The following MGAT4C variants were observed in gnomAD, a reference collection of about 807,000 sequenced individuals.
MGAT4C encodes the protein MGAT4 family member C.
MGAT4C carries 19 observed loss-of-function variants against 40.1 expected under a neutral mutation model. The ratio of observed to expected loss-of-function variants is 0.47; its 90% CI spans 0.33 to 0.70. MGAT4C has a LOEUF of 0.70. MGAT4C is among the 30% of genes least tolerant of loss of function. MGAT4C has a pLI of 0.02. For missense variants in MGAT4C, 491 were observed against 563.2 expected, an observed-to-expected ratio of 0.87 and a Z score of 1.30; for synonymous variants, 181 against 187.1, an observed-to-expected ratio of 0.97 and a Z score of 0.27.
intron 3 of MGAT4C, among the ~76,000 whole-genome samples, chr12:86,348,510 C>T (rs955041570): frequency 6.6e-6 from 1 of 152,008 alleles, no homozygotes; most frequent in African/African-American, 2.4e-5. Context: ...GTAATTTCCT[C>T]ACAAAAGGAT....
intron 2 of MGAT4C, among the ~76,000 whole-genome samples, chr12:86,018,829 C>T (rs1316883814): frequency 6.6e-6 from 1 of 151,966 alleles, no homozygotes; most frequent in African/African-American, 2.4e-5. Context: ...TCACTTTAAG[C>T]TTCAACATAA....
chr12:86,826,951 C>T (rs1287817928), intron 1 of MGAT4C, among the ~76,000 whole-genome samples: 1 of 151,410 alleles, frequency 6.6e-6, no homozygotes, highest in East Asian at 1.9e-4. Flanking sequence ...GCTTTCTAGA[C>T]ATCTCTGCTA....
At chr12:86,092,255 A>G (rs1873018050) in intron 1 of MGAT4C, among the ~76,000 whole-genome samples, 1 of 152,174 alleles carries the variant, frequency 6.6e-6, no homozygotes. Context: ...ATGGCCTTAT[A>G]GCATACTTCA....
intron 3 of MGAT4C, among the ~76,000 whole-genome samples, chr12:86,393,140 T>TATAA (rs2136229948): frequency 6.6e-6 from 1 of 152,336 alleles, no homozygotes; most frequent in Non-Finnish European, 1.5e-5. Flanking sequence ...TTGGATTTCT[T>TATAA]ATAATTACAA....
At chr12:86,212,695 C>T (rs1255745936) in intron 1 of MGAT4C, among the ~76,000 whole-genome samples, 14 of 143,328 alleles carry the variant, frequency 9.8e-5, no homozygotes, top group South Asian at 2.3e-4. Context: ...GAGACCATCC[C>T]GGCTAAAACG....
At chr12:86,713,400 A>G (rs1950593191) in intron 2 of MGAT4C, among the ~76,000 whole-genome samples, 1 of 152,116 alleles carries the variant, frequency 6.6e-6, no homozygotes, top group African/African-American at 2.4e-5. Context: ...AGGATGTATC[A>G]TCTTATTCTG....
chr12:86,354,634 T>G (rs1315096982), intron 3 of MGAT4C, among the ~76,000 whole-genome samples: 1 of 152,046 alleles, frequency 6.6e-6, no homozygotes, highest in Non-Finnish European at 1.5e-5. Flanking sequence ...AGGAAAGAAT[T>G]AGTGAACCTG....
At chr12:86,733,322 A>G (rs1593159777) in intron 1 of MGAT4C, among the ~76,000 whole-genome samples, 1 of 152,126 alleles carries the variant, frequency 6.6e-6, no homozygotes, top group Non-Finnish European at 1.5e-5. Context: ...ATTCCCTAAT[A>G]ACCCAATGAA....
At chr12:86,625,184 G>T (rs1230198872) in intron 2 of MGAT4C, among the ~76,000 whole-genome samples, 3 of 151,952 alleles carry the variant, frequency 2.0e-5, no homozygotes, top group Non-Finnish European at 4.4e-5. Flanking sequence ...TCTCTCTCCT[G>T]CCACCTTGTG....
intron 2 of MGAT4C, among the ~76,000 whole-genome samples, chr12:86,534,252 C>A (rs566384401): frequency 3.3e-5 from 5 of 152,106 alleles, no homozygotes; most frequent in African/African-American, 1.2e-4. Flanking sequence ...TTCTTTTAAC[C>A]CCACACTTCT....
chr12:86,472,846 G>T (rs1187701638), intron 2 of MGAT4C, among the ~76,000 whole-genome samples: 4 of 152,220 alleles, frequency 2.6e-5, no homozygotes, highest in Admixed American at 2.6e-4. Flanking sequence ...GAAAGAAAAT[G>T]AAATAATTGG....
chr12:86,222,456 A>G lies in MGAT4C; in HGVS notation c.-57+33783T>C, dbSNP rs144281504. ...TTTCCTGACATTGAACGAAATAAGA[A>G]AAAAGTCTCTTATTGGCATATTGTT... is the stretch of plus-strand genomic sequence containing the variant. On this transcript the variant is annotated intron_variant, in intron 1 of 4. Transcript: ENST00000611864. Among the ~76,000 whole-genome samples the G allele has an allele frequency of 2.7e-4, 41 of 152,326 alleles. 1 individual carries two copies. The highest frequency in any genetic ancestry group is 9.9e-4 in the African/African-American group (41 of 41,578).
chr12:86,671,983 CAT>C (rs1964265340), intron 2 of MGAT4C, among the ~76,000 whole-genome samples: 1 of 151,990 alleles, frequency 6.6e-6, no homozygotes, highest in Admixed American at 6.6e-5. Context: ...GCAGAATACA[CAT>C]TTTTCTAGTG....
intron 1 of MGAT4C, among the ~76,000 whole-genome samples, chr12:86,213,615 A>AT (rs943533030): frequency 6.7e-6 from 1 of 150,076 alleles, no homozygotes; most frequent in Non-Finnish European, 1.5e-5. Context: ...AACACCAATT[A>AT]TTTAAAAAAA....
chr12:86,454,078 A>AT lies in MGAT4C; in HGVS notation c.-228-18814_-228-18813insA, dbSNP rs200278886. 6.7e-3 allele frequency among the ~76,000 whole-genome samples: 1,018 copies of AT among 152,276 alleles called. 11 individuals carry two copies. Among genetic ancestry groups the AT allele is most frequent in the African/African-American group, 0.023 (971 of 41,564 alleles). On this transcript the variant is annotated intron_variant, in intron 2 of 7. Transcript: ENST00000548651. ...CCAATAAAAGGCTCAGAAAACTATA[A>AT]AGGAAAAAAATAAAAAGTTGTTATT...
At position 86,446,539 on chromosome 12, in the gene MGAT4C, T is replaced by G. The variant is rs2136283247; in HGVS notation, c.-228-11274A>C. 2.6e-5 allele frequency among the ~76,000 whole-genome samples: 4 copies of G among 151,142 alleles called. No individual in the cohort carries two copies. In the East Asian group the frequency reaches 7.8e-4, roughly 29 times the overall value. ...AAAAGTAGTATTTTATCATTTATAT[T>G]GTCTTATTGCTTTTTTACTCACTTT... On this transcript the variant is annotated intron_variant, in intron 2 of 7. Coordinates refer to the MGAT4C transcript ENST00000548651.
chr12:86,151,031 C>A (rs1247665519), intron 1 of MGAT4C, among the ~76,000 whole-genome samples: 2 of 152,260 alleles, frequency 1.3e-5, no homozygotes, highest in South Asian at 2.1e-4. Context: ...TCCCTCAGAG[C>A]AAAAACAGGC....
chr12:86,749,438 A>G (rs1260933933), intron 1 of MGAT4C, among the ~76,000 whole-genome samples: 1 of 151,746 alleles, frequency 6.6e-6, no homozygotes, highest in African/African-American at 2.4e-5. Context: ...ATGAGGAAAT[A>G]GTATGTCATT....
chr12:86,219,769 C>A (rs1265292679), intron 1 of MGAT4C, among the ~76,000 whole-genome samples: 1 of 152,180 alleles, frequency 6.6e-6, no homozygotes, highest in Non-Finnish European at 1.5e-5. Flanking sequence ...GTCAGATTCA[C>A]TCCTGCCGGA....
Sources: gnomAD v4.1 joint callset for allele counts (sites outside exome capture counted in the v4.1 genomes callset) on GRCh38, gnomAD v4.1.1 for gene constraint, MANE v1.5 for transcripts, NCBI Gene and HGNC (gene_info 2026-07-23, HGNC 2026-07-21) for gene names.